Variants in PBRM1 observed in about 807,000 individuals in gnomAD.
PBRM1 encodes polybromo 1.
Under a neutral mutation model 194.5 loss-of-function variants are expected in PBRM1, and 27 were observed. That is an observed-to-expected ratio of 0.14 (90% CI 0.10 to 0.19). The LOEUF is 0.19. Ranked by LOEUF, PBRM1 falls within the 10% of genes least tolerant of loss-of-function variation. The probability of loss-of-function intolerance (pLI) is 1.00; values close to 1 mark genes in which losing one functional copy is unlikely to be tolerated. For synonymous variants in PBRM1, 655 were observed against 693.2 expected (o/e 0.94, Z 0.87); for missense variants, 1,466 against 2,077.2 (o/e 0.71, Z 5.72).
intron 2 of PBRM1, among the ~76,000 whole-genome samples, chr3:52,674,495 A>AG (rs1390271379): frequency 6.3e-5 from 9 of 142,294 alleles, no homozygotes; most frequent in East Asian, 2.1e-4. Flanking sequence ...AAAAAAAAAA[A>AG]AAGAGAGAGA....
At chr3:52,575,475 G>A (rs922545450) in intron 22 of PBRM1, among the ~76,000 whole-genome samples, 2 of 149,324 alleles carry the variant, frequency 1.3e-5, no homozygotes, top group African/African-American at 2.5e-5. Context: ...TCCAGACACT[G>A]GATTTACTAA....
At chr3:52,610,357 T>C (rs1219101629) in intron 15 of PBRM1, among the ~76,000 whole-genome samples, 2 of 152,250 alleles carry the variant, frequency 1.3e-5, no homozygotes, top group Non-Finnish European at 1.5e-5. Flanking sequence ...TATGAACTTA[T>C]GATGTAATTT....
At chr3:52,554,860 C>T (rs748198346) in exon 27 of PBRM1, 9 of 1,606,584 alleles carry the variant, frequency 5.6e-6, no homozygotes, top group Middle Eastern at 1.7e-4. Context: ...GAAGGCCTGG[C>T]GGATAGCCAC....
In PBRM1 at chr3:52,589,315, C is replaced by A; in HGVS notation, c.2780-60G>T. On this transcript the variant is annotated intron_variant, in intron 17 of 29. Coordinates refer to ENST00000296302, the Ensembl canonical transcript of PBRM1. ...GTACTCACCAAAGGGATGCTGAAGT[C>A]AGATGTAGGGTTCAAACAACACATA... The A allele has an allele frequency of 3.6e-6, 4 of 1,113,798 alleles. No homozygotes were observed. The South Asian group carries it at 6.8e-5, about 19-fold the overall frequency. 69.0% of individuals were successfully genotyped at this position (1,113,798 alleles called of 1,614,324 possible). A position where few individuals can be genotyped will look rare whatever the true frequency, so the allele number is the denominator to read the frequency against.
At chr3:52,618,098 TG>T (rs1471102059) in intron 13 of PBRM1, among the ~76,000 whole-genome samples, 2 of 152,222 alleles carry the variant, frequency 1.3e-5, no homozygotes, top group African/African-American at 4.8e-5. Flanking sequence ...TCTCTTGCAT[TG>T]ATTCTGTCAG....
chr3:52,563,287 G>C, exon 24 of PBRM1: 2 of 1,611,970 alleles, frequency 1.2e-6, no homozygotes, highest in Non-Finnish European at 1.7e-6. Context: ...CTTCACCTGT[G>C]GGGGTGTGTA....
At chr3:52,587,510 C>T in exon 19 of PBRM1, 1 of 1,590,984 alleles carries the variant, frequency 6.3e-7, no homozygotes, top group Non-Finnish European at 8.6e-7. Flanking sequence ...CCATTTTTCA[C>T]CTCAAAAATG....
chr3:52,589,774 A>G (rs1313642700), intron 17 of PBRM1, among the ~76,000 whole-genome samples: 3 of 152,144 alleles, frequency 2.0e-5, no homozygotes, highest in Admixed American at 2.0e-4. Context: ...TATACTTAAT[A>G]TATCAAGAAC....
At chr3:52,647,014 G>A (rs2096312300) in intron 7 of PBRM1, among the ~76,000 whole-genome samples, 1 of 151,450 alleles carries the variant, frequency 6.6e-6, no homozygotes, top group African/African-American at 2.4e-5. Flanking sequence ...ACATGATAAG[G>A]GTATAATATC....
rs563176736 is a variant in PBRM1 at position 52,637,499 on chromosome 3, G to A, written c.1088-2684C>T. 1.3e-4 allele frequency among the ~76,000 whole-genome samples: 20 copies of A among 152,076 alleles called. No homozygotes were observed. The South Asian group carries it at 3.9e-3, about 30-fold the overall frequency. ...ATATAAAAAATTTGCTGGGTGTGGTGGCATGTGCCTGTGGTCCCAGCTACG... is the reference window on the plus strand; with the variant it reads ...ATATAAAAAATTTGCTGGGTGTGGTAGCATGTGCCTGTGGTCCCAGCTACG... On this transcript the variant is annotated intron_variant, in intron 10 of 29. Coordinates refer to ENST00000296302, the Ensembl canonical transcript of PBRM1.
chr3:52,647,901 C>A (rs2096370774), intron 7 of PBRM1, among the ~76,000 whole-genome samples: 1 of 148,770 alleles, frequency 6.7e-6, no homozygotes, highest in Non-Finnish European at 1.5e-5. Flanking sequence ...ATAATAAAAA[C>A]CATTACATTA....
At chr3:52,675,602 C>CT (rs1327144336) in intron 2 of PBRM1, among the ~76,000 whole-genome samples, 1 of 152,140 alleles carries the variant, frequency 6.6e-6, no homozygotes, top group Non-Finnish European at 1.5e-5. Flanking sequence ...AGAGGAAAAG[C>CT]TTTAAGTATT....
chr3:52,554,086 C>T (rs1256785810), intron 27 of PBRM1, among the ~76,000 whole-genome samples: 3 of 152,202 alleles, frequency 2.0e-5, no homozygotes, highest in African/African-American at 7.2e-5. Flanking sequence ...AGGCATGAGC[C>T]ATTACACCTG....
chr3:52,624,834 A>T lies in PBRM1; in HGVS notation c.1541+2439T>A, dbSNP rs1193816273. Reference sequence around the variant, plus strand: ...AGGCTTCACTTTTCACCTAATCAGTACTGATCATGCCACAGAAGATACACT... The same window carrying T: ...AGGCTTCACTTTTCACCTAATCAGTTCTGATCATGCCACAGAAGATACACT... On this transcript the variant is annotated intron_variant, in intron 13 of 29. Transcript: ENST00000296302. 10 of 1,086,014 alleles carry T rather than the reference A, an allele frequency of 9.2e-6. No homozygotes were observed. In the African/African-American group the frequency reaches 1.6e-4, roughly 17 times the overall value. The allele number at this position is 1,086,014 out of a possible 1,614,324, so 67.3% of individuals were successfully genotyped here.
At chr3:52,582,165 C>T (rs1030360860) in intron 20 of PBRM1, among the ~76,000 whole-genome samples, 3 of 147,778 alleles carry the variant, frequency 2.0e-5, no homozygotes, top group South Asian at 2.2e-4. Flanking sequence ...TCACTTGAAC[C>T]TGGGAAGTGG....
intron 15 of PBRM1, 140 bp downstream of exon 17, chr3:52,615,211 G>T: frequency 1.8e-6 from 1 of 558,242 alleles, no homozygotes; most frequent in Non-Finnish European, 3.2e-6. Context: ...AAATGAGAGG[G>T]CTTGACAAGA....
intron 3 of PBRM1, among the ~76,000 whole-genome samples, chr3:52,667,020 G>C (rs2096852480): frequency 6.6e-6 from 1 of 152,172 alleles, no homozygotes; most frequent in South Asian, 2.1e-4. Flanking sequence ...TGGAAATGAT[G>C]ACAGCAACGA....
chr3:52,611,806 C>T (rs1281241650), intron 15 of PBRM1, among the ~76,000 whole-genome samples: 1 of 151,498 alleles, frequency 6.6e-6, no homozygotes, highest in Non-Finnish European at 1.5e-5. Context: ...CCTGTCTCCA[C>T]AAAACAAAAC....
chr3:52,553,371 C>A (rs3774367), intron 27 of PBRM1, among the ~76,000 whole-genome samples: 130,968 of 152,224 alleles, frequency 0.86, 56,501 homozygotes, highest in Middle Eastern at 0.91. Flanking sequence ...AAATGAATGT[C>A]GCTATTTCTG....
Sources: gnomAD v4.1 joint callset for allele counts (sites outside exome capture counted in the v4.1 genomes callset) on GRCh38, gnomAD v4.1.1 for gene constraint, MANE v1.5 for transcripts, NCBI Gene and HGNC (gene_info 2026-07-23, HGNC 2026-07-21) for gene names.